Variants in VSNL1 observed in about 807,000 individuals in gnomAD.
VSNL1 encodes visinin like 1, also known as visinin-like protein 1.
VSNL1 carries 6 observed loss-of-function variants against 20.4 expected under a neutral mutation model. That is an observed-to-expected ratio of 0.29 (90% CI 0.16 to 0.58). The LOEUF is 0.58. Ranked by LOEUF, VSNL1 falls within the 20% of genes least tolerant of loss-of-function variation. VSNL1 has a pLI of 0.90. For missense variants in VSNL1, 100 were observed against 234.5 expected (o/e 0.43, Z 3.75); for synonymous variants, 93 against 86.4 (o/e 1.08, Z -0.42).
intron 1 of VSNL1, among the ~76,000 whole-genome samples, chr2:17,571,568 A>G (rs776405839): frequency 2.0e-5 from 3 of 152,174 alleles, no homozygotes; most frequent in Non-Finnish European, 2.9e-5. Flanking sequence ...AATGATCAAA[A>G]ATTAAGATAT....
At chr2:17,604,572 C>T (rs1446746438) in intron 2 of VSNL1, among the ~76,000 whole-genome samples, 1 of 152,244 alleles carries the variant, frequency 6.6e-6, no homozygotes, top group Non-Finnish European at 1.5e-5. Flanking sequence ...AGTGGATTGA[C>T]CAACTTTCCG....
chr2:17,543,001 C>G (rs1249761884), intron 1 of VSNL1, among the ~76,000 whole-genome samples: 1 of 152,200 alleles, frequency 6.6e-6, no homozygotes, highest in East Asian at 1.9e-4. Context: ...TTCTCTCTTT[C>G]ATTTTCAGCA....
chr2:17,590,452 G>A (rs1043358025), intron 1 of VSNL1, among the ~76,000 whole-genome samples: 5 of 152,158 alleles, frequency 3.3e-5, no homozygotes, highest in African/African-American at 1.2e-4. Flanking sequence ...TTTGGAACTT[G>A]AATTCAGAGC....
intron 2 of VSNL1, among the ~76,000 whole-genome samples, chr2:17,623,807 A>T (rs1665442108): frequency 6.6e-6 from 1 of 152,212 alleles, no homozygotes; most frequent in Admixed American, 6.5e-5. Flanking sequence ...ATAAATTCAG[A>T]TCCTCTCCTT....
chr2:17,605,190 G>A (rs946774072), intron 2 of VSNL1, among the ~76,000 whole-genome samples: 1 of 152,202 alleles, frequency 6.6e-6, no homozygotes, highest in African/African-American at 2.4e-5. Context: ...TTATGACTGG[G>A]GATAGAGTAT....
At chr2:17,603,771 T>C (rs1664884477) in intron 2 of VSNL1, among the ~76,000 whole-genome samples, 1 of 152,190 alleles carries the variant, frequency 6.6e-6, no homozygotes, top group Non-Finnish European at 1.5e-5. Context: ...TCTGGTGGCC[T>C]GGGGTTGTAT....
intron 1 of VSNL1, among the ~76,000 whole-genome samples, chr2:17,543,800 C>T (rs1041387057): frequency 3.3e-5 from 5 of 152,200 alleles, no homozygotes; most frequent in East Asian, 3.8e-4. Context: ...CAAGGTGACC[C>T]GCCTAACTGG....
rs1388300717 is a variant in VSNL1, at chr2:17,644,879, T to C, written c.163-4531T>C. On this transcript the variant is annotated intron_variant, in intron 2 of 3. Transcript: ENST00000295156. Reference sequence around the variant, plus strand: ...GGGTAAGGGGAGATAACCTTGGAGGTTGAGCAACTGTATTTCAGGGTGATT... The same window carrying C: ...GGGTAAGGGGAGATAACCTTGGAGGCTGAGCAACTGTATTTCAGGGTGATT... 5.9e-5 allele frequency among the ~76,000 whole-genome samples: 9 copies of C among 152,110 alleles called. No individual in the cohort carries two copies. In the East Asian group the frequency reaches 7.7e-4, roughly 13 times the overall value.
At chr2:17,592,640 CTTTTTTTTTTTTTTTTTTTTTTTTT>C (rs55756596) in intron 2 of VSNL1, among the ~76,000 whole-genome samples, 1 of 70,858 alleles carries the variant, frequency 1.4e-5, no homozygotes, top group Non-Finnish European at 2.6e-5. Flanking sequence ...CTCTCTCTCT[CTTTTTTTTTTTTTTTTTTTTTTTTT>C]TTTTTTTTTT....
chr2:17,599,899 C>A (rs1309898280), intron 2 of VSNL1, among the ~76,000 whole-genome samples: 1 of 152,128 alleles, frequency 6.6e-6, no homozygotes, highest in Non-Finnish European at 1.5e-5. Flanking sequence ...GGGAGGTTCT[C>A]CAGTTTATCT....
At chr2:17,622,589 AAAG>A (rs1232384742) in intron 2 of VSNL1, among the ~76,000 whole-genome samples, 2 of 131,778 alleles carry the variant, frequency 1.5e-5, no homozygotes, top group Admixed American at 7.5e-5. Context: ...AGAAAGAAAG[AAAG>A]AAAGAAAGAA....
intron 1 of VSNL1, among the ~76,000 whole-genome samples, chr2:17,590,774 G>A (rs1664577750): frequency 6.6e-6 from 1 of 152,186 alleles, no homozygotes; most frequent in African/African-American, 2.4e-5. Context: ...TATTGCAAGT[G>A]TAGACATGCC....
chr2:17,650,109 G>C (rs944572030), intron 3 of VSNL1, among the ~76,000 whole-genome samples: 2 of 152,166 alleles, frequency 1.3e-5, no homozygotes, highest in African/African-American at 2.4e-5. Flanking sequence ...CATTCCCAAT[G>C]TGAAGGTCTT....
intron 1 of VSNL1, among the ~76,000 whole-genome samples, chr2:17,579,358 G>T (rs190856197): frequency 8.0e-4 from 121 of 151,788 alleles, no homozygotes; most frequent in Non-Finnish European, 1.5e-3. Flanking sequence ...CTCGTGATCC[G>T]CCCGCCTCGG....
At chr2:17,572,822 T>TC (rs1459386119) in intron 1 of VSNL1, among the ~76,000 whole-genome samples, 1 of 152,228 alleles carries the variant, frequency 6.6e-6, no homozygotes, top group Non-Finnish European at 1.5e-5. Flanking sequence ...TGCCTGGCAG[T>TC]CCCTATTCAT....
intron 2 of VSNL1, among the ~76,000 whole-genome samples, chr2:17,639,118 A>C (rs1420494102): frequency 6.6e-6 from 1 of 152,082 alleles, no homozygotes; most frequent in African/African-American, 2.4e-5. Context: ...GAAGGGATCT[A>C]TTGCCCCAGT....
chr2:17,632,287 TTTTTGTTTTTGA>T (rs1457156335), intron 2 of VSNL1, among the ~76,000 whole-genome samples: 1 of 151,830 alleles, frequency 6.6e-6, no homozygotes, highest in East Asian at 1.9e-4. Context: ...TTTTTTTTTG[TTTTTGTTTTTGA>T]TTTTGTTTGT....
At chr2:17,602,427 T>A (rs1441742246) in intron 2 of VSNL1, among the ~76,000 whole-genome samples, 1 of 152,200 alleles carries the variant, frequency 6.6e-6, no homozygotes, top group Admixed American at 6.5e-5. Context: ...TGGGCTATTT[T>A]ACGACCAACT....
At chr2:17,572,426 G>T (rs966536102) in intron 1 of VSNL1, among the ~76,000 whole-genome samples, 1 of 152,004 alleles carries the variant, frequency 6.6e-6, no homozygotes, top group Non-Finnish European at 1.5e-5. Context: ...TTGGGGTTTA[G>T]ATCTGTGTAA....
Sources: allele counts gnomAD v4.1 joint callset (sites outside exome capture counted in the v4.1 genomes callset), GRCh38; gene constraint gnomAD v4.1.1; transcripts MANE v1.5; gene names NCBI Gene and HGNC (gene_info 2026-07-23, HGNC 2026-07-21).